SCN8A: variants seen among roughly 807,000 people sequenced by gnomAD.
SCN8A encodes sodium voltage-gated channel alpha subunit 8.
In SCN8A, 30 loss-of-function variants were observed where a neutral mutation model predicts 184.1. The ratio of observed to expected loss-of-function variants is 0.16; its 90% CI spans 0.12 to 0.22. SCN8A has a LOEUF of 0.22. Ranked by LOEUF, SCN8A falls within the 10% of genes least tolerant of loss-of-function variation. SCN8A has a pLI of 1.00. For synonymous variants in SCN8A, 852 were observed against 907.0 expected (o/e 0.94, Z 1.09); for missense variants, 1,057 against 2,498.9 (o/e 0.42, Z 12.30).
rs2138952101 is a variant in SCN8A at position 51,810,750 on chromosome 12, C to T, written c.*3321C>T. On this transcript the variant is annotated 3_prime_UTR_variant, in exon 27 of 27. Coordinates refer to ENST00000627620, the MANE Select transcript of SCN8A (RefSeq NM_001330260.2). ...TTTCCCCCTCTTCTTTCCTTAACCTCCTTGTTGCTTAGGATGAGGAGACTC... is the reference window on the plus strand; with the variant it reads ...TTTCCCCCTCTTCTTTCCTTAACCTTCTTGTTGCTTAGGATGAGGAGACTC... 1 of 153,260 alleles carries T rather than the reference C, an allele frequency of 6.5e-6. No individual in the cohort carries two copies. The highest frequency in any genetic ancestry group is 2.4e-5 in the African/African-American group (1 of 41,580). The allele number at this position is 153,260 out of a possible 1,614,324, so 9.5% of individuals were successfully genotyped here. A position where few individuals can be genotyped will look rare whatever the true frequency, so the allele number is the denominator to read the frequency against.
rs1375710019 is a variant in SCN8A at position 51,640,414 on chromosome 12, T to A, written c.-54-22350T>A. On this transcript the variant is annotated intron_variant, in intron 1 of 26. Coordinates refer to ENST00000627620, the MANE Select transcript of SCN8A (RefSeq NM_001330260.2). ...CCACAATAAGCCTGAGGTATGCCTG[T>A]ACTTTAAAGTAGTCTTTTAGAAGTG... 8.6e-4 allele frequency among the ~76,000 whole-genome samples: 130 copies of A among 151,846 alleles called. 2 individuals are homozygous for A. Among genetic ancestry groups the A allele is most frequent in the Non-Finnish European group, 5.9e-5 (4 of 68,010 alleles).
At chr12:51,767,180 A>T (rs1339612497) in intron 16 of SCN8A, among the ~76,000 whole-genome samples, 1 of 152,204 alleles carries the variant, frequency 6.6e-6, no homozygotes, top group Non-Finnish European at 1.5e-5. Context: ...TACTTCAGTG[A>T]CTATAACAAT....
chr12:51,713,600 C>A, intron 11 of SCN8A: 2 of 657,238 alleles, frequency 3.0e-6, no homozygotes. Flanking sequence ...GGTGGTTTTA[C>A]CTCCATTTTG....
At chr12:51,758,973 T>G (rs1476852419) in intron 14 of SCN8A, among the ~76,000 whole-genome samples, 2 of 147,782 alleles carry the variant, frequency 1.4e-5, no homozygotes, top group Non-Finnish European at 2.9e-5. Flanking sequence ...CACATACATG[T>G]ATGTATGTAT....
At chr12:51,803,759 A>C (rs1938619063) in intron 26 of SCN8A, among the ~76,000 whole-genome samples, 1 of 152,120 alleles carries the variant, frequency 6.6e-6, no homozygotes, top group Non-Finnish European at 1.5e-5. Context: ...TTTAATTGAG[A>C]AGCTGAGAAA....
chr12:51,735,567 C>G (rs1002269168), intron 12 of SCN8A, among the ~76,000 whole-genome samples: 1 of 152,212 alleles, frequency 6.6e-6, no homozygotes, highest in African/African-American at 2.4e-5. Context: ...GTGATAACCA[C>G]TATCATAGCT....
rs990947380 is a variant in SCN8A, at chr12:51,810,835, T to G, written c.*3406T>G. On this transcript the variant is annotated 3_prime_UTR_variant, in exon 27 of 27. Coordinates refer to ENST00000627620, the MANE Select transcript of SCN8A (RefSeq NM_001330260.2). ...ACTTCCATGTTAACATGGCCTACTC[T>G]CACTCCTTTCTAAACGAGCCACTTT... 2.0e-5 allele frequency: 3 copies of G among 152,208 alleles called. No individual in the cohort carries two copies. Among genetic ancestry groups the G allele is most frequent in the African/African-American group, 7.2e-5 (3 of 41,420 alleles). The allele number at this position is 152,208 out of a possible 1,614,324, so 9.4% of individuals were successfully genotyped here. A position where few individuals can be genotyped will look rare whatever the true frequency, so the allele number is the denominator to read the frequency against.
chr12:51,766,159 C>T, intron 16 of SCN8A, 132 bp downstream of exon 16: 1 of 780,138 alleles, frequency 1.3e-6, no homozygotes, highest in East Asian at 2.5e-5. Context: ...CTTTCTTGGC[C>T]CAGAAACCCT....
chr12:51,810,519 C>T lies in SCN8A; in HGVS notation c.*3090C>T. Reference sequence around the variant, plus strand: ...GAGCAGCGCAGCCACAGTATCACTGCACATATATATATAGATATATAAATA... The same window carrying T: ...GAGCAGCGCAGCCACAGTATCACTGTACATATATATATAGATATATAAATA... On this transcript the variant is annotated 3_prime_UTR_variant, in exon 27 of 27. Coordinates refer to ENST00000627620, the MANE Select transcript of SCN8A (RefSeq NM_001330260.2). The T allele has an allele frequency of 2.7e-6, 1 of 375,414 alleles. No homozygotes were observed. Among genetic ancestry groups the T allele is most frequent in the Non-Finnish European group, 5.2e-6 (1 of 191,362 alleles). 23.3% of individuals were successfully genotyped at this position (375,414 alleles called of 1,614,324 possible). A position where few individuals can be genotyped will look rare whatever the true frequency, so the allele number is the denominator to read the frequency against.
chr12:51,705,664 C>A, intron 10 of SCN8A, 41 bp downstream of exon 10: 1 of 1,548,916 alleles, frequency 6.5e-7, no homozygotes, highest in Non-Finnish European at 8.8e-7. Flanking sequence ...CCTGCCAGAT[C>A]ATGGTGACTA....
chr12:51,756,790 G>T (rs528343418), intron 14 of SCN8A, among the ~76,000 whole-genome samples: 1 of 152,168 alleles, frequency 6.6e-6, no homozygotes, highest in Non-Finnish European at 1.5e-5. Flanking sequence ...TCCCTCTACC[G>T]GCATGCCCAC....
intron 14 of SCN8A, among the ~76,000 whole-genome samples, chr12:51,762,147 A>C (rs1439308779): frequency 6.6e-6 from 1 of 152,226 alleles, no homozygotes; most frequent in East Asian, 1.9e-4. Context: ...TTAAGCAAAC[A>C]TCACAAGTAT....
At chr12:51,674,213 T>C (rs1314559945) in intron 2 of SCN8A, among the ~76,000 whole-genome samples, 1 of 152,216 alleles carries the variant, frequency 6.6e-6, no homozygotes, top group African/African-American at 2.4e-5. Context: ...TTGGGACCCA[T>C]TTTGAGCTAG....
intron 1 of SCN8A, among the ~76,000 whole-genome samples, chr12:51,659,975 G>A (rs549185260): frequency 6.6e-6 from 1 of 152,282 alleles, no homozygotes; most frequent in Admixed American, 6.5e-5. Flanking sequence ...GGACTCAGGA[G>A]AACAATCAGG....
At chr12:51,776,973 G>T (rs1213291224) in intron 20 of SCN8A, among the ~76,000 whole-genome samples, 1 of 152,156 alleles carries the variant, frequency 6.6e-6, no homozygotes, top group Non-Finnish European at 1.5e-5. Flanking sequence ...CCCAAACAAG[G>T]AAAACATTCT....
At chr12:51,649,770 G>A (rs1366337150) in intron 1 of SCN8A, among the ~76,000 whole-genome samples, 1 of 152,192 alleles carries the variant, frequency 6.6e-6, no homozygotes, top group African/African-American at 2.4e-5. Context: ...CTGCTATGAA[G>A]AACTCTGACA....
At chr12:51,596,611 CAGAG>C (rs1404075744) in intron 1 of SCN8A, among the ~76,000 whole-genome samples, 2 of 152,000 alleles carry the variant, frequency 1.3e-5, no homozygotes, top group African/African-American at 4.8e-5. Flanking sequence ...CTGGGATAGA[CAGAG>C]GGAGGGCAAA....
chr12:51,795,151 T>C (rs1565929438), intron 26 of SCN8A, among the ~76,000 whole-genome samples: 1 of 152,166 alleles, frequency 6.6e-6, no homozygotes, highest in Non-Finnish European at 1.5e-5. Context: ...GTTATCTCAT[T>C]TGATTCTTAT....
At position 51,810,828 on chromosome 12, in the gene SCN8A, C is replaced by T. The variant is rs959175157; in HGVS notation, c.*3399C>T. The T allele has an allele frequency of 1.3e-4, 20 of 152,264 alleles. No homozygotes were observed. The highest frequency in any genetic ancestry group is 4.6e-4 in the African/African-American group (19 of 41,440). 9.4% of individuals were successfully genotyped at this position (152,264 alleles called of 1,614,324 possible). On this transcript the variant is annotated 3_prime_UTR_variant, in exon 27 of 27. Transcript: ENST00000627620. ...GGAAGAAACTTCCATGTTAACATGGCCTACTCTCACTCCTTTCTAAACGAG... is the reference window on the plus strand; with the variant it reads ...GGAAGAAACTTCCATGTTAACATGGTCTACTCTCACTCCTTTCTAAACGAG...
Sources: gnomAD v4.1 joint callset for allele counts (sites outside exome capture counted in the v4.1 genomes callset) on GRCh38, gnomAD v4.1.1 for gene constraint, MANE v1.5 for transcripts, NCBI Gene and HGNC (gene_info 2026-07-23, HGNC 2026-07-21) for gene names.